The following MMP16 variants were observed in gnomAD, a reference collection of about 807,000 sequenced individuals.
MMP16 encodes the protein matrix metallopeptidase 16.
In MMP16, 12 loss-of-function variants were observed where a neutral mutation model predicts 67.8. The observed-to-expected ratio is 0.18, with a 90% CI of 0.11 to 0.29. The LOEUF (loss-of-function observed/expected upper bound fraction) is 0.29. MMP16 is among the 10% of genes least tolerant of loss of function. The probability of loss-of-function intolerance (pLI) is 1.00; values close to 1 mark genes in which losing one functional copy is unlikely to be tolerated. For missense variants in MMP16, 475 were observed against 765.7 expected (o/e 0.62, Z 4.48); for synonymous variants, 249 against 255.9 (o/e 0.97, Z 0.26).
intron 1 of MMP16, among the ~76,000 whole-genome samples, chr8:88,287,005 G>C (rs559547299): frequency 1.3e-5 from 2 of 152,142 alleles, no homozygotes; most frequent in East Asian, 1.9e-4. Context: ...ATCTACATCT[G>C]GTTTATCTAC....
At chr8:88,173,294 C>A (rs990815345) in intron 3 of MMP16, among the ~76,000 whole-genome samples, 1 of 152,140 alleles carries the variant, frequency 6.6e-6, no homozygotes, top group Non-Finnish European at 1.5e-5. Context: ...TCAAGCGATT[C>A]ACTCACCTTG....
chr8:88,232,342 G>T (rs1315445020), intron 1 of MMP16, among the ~76,000 whole-genome samples: 1 of 151,922 alleles, frequency 6.6e-6, no homozygotes, highest in Non-Finnish European at 1.5e-5. Flanking sequence ...ACGGGTCAGG[G>T]ACCTAGAAAA....
intron 6 of MMP16, among the ~76,000 whole-genome samples, chr8:88,106,130 A>G (rs1392282840): frequency 6.7e-6 from 1 of 149,964 alleles, no homozygotes; most frequent in Non-Finnish European, 1.5e-5. Context: ...TTTCTCTCCT[A>G]CCTCTGGCTA....
chr8:88,192,280 A>T (rs961094787), intron 2 of MMP16, among the ~76,000 whole-genome samples: 1 of 152,208 alleles, frequency 6.6e-6, no homozygotes, highest in African/African-American at 2.4e-5. Flanking sequence ...AGTTTCTTTT[A>T]TCTACAGACT....
chr8:88,214,090 G>A (rs539773064), intron 1 of MMP16, among the ~76,000 whole-genome samples: 2 of 152,144 alleles, frequency 1.3e-5, no homozygotes, highest in East Asian at 3.9e-4. Flanking sequence ...CAACAATAAT[G>A]TCTCCAATAC....
intron 3 of MMP16, among the ~76,000 whole-genome samples, chr8:88,177,955 A>T (rs532337378): frequency 6.6e-6 from 1 of 152,128 alleles, no homozygotes; most frequent in African/African-American, 2.4e-5. Flanking sequence ...GTTTAAAGAC[A>T]TGGTATGTAT....
intron 1 of MMP16, among the ~76,000 whole-genome samples, chr8:88,265,444 G>C (rs187305997): frequency 3.0e-3 from 452 of 152,072 alleles, no homozygotes; most frequent in South Asian, 0.016. Context: ...CTTAATCACA[G>C]GGAGTTCATA....
At chr8:88,128,976 C>A (rs891409408) in intron 4 of MMP16, among the ~76,000 whole-genome samples, 1 of 151,674 alleles carries the variant, frequency 6.6e-6, no homozygotes, top group African/African-American at 2.4e-5. Context: ...GAGACCCTCA[C>A]AGAAGGGATG....
chr8:88,151,500 T>G (rs1179758329), intron 4 of MMP16, among the ~76,000 whole-genome samples: 1 of 147,174 alleles, frequency 6.8e-6, no homozygotes, highest in South Asian at 2.3e-4. Flanking sequence ...GAACAGAAAT[T>G]ATAACAAACT....
intron 6 of MMP16, among the ~76,000 whole-genome samples, chr8:88,079,533 A>C (rs554682566): frequency 6.6e-6 from 1 of 152,258 alleles, no homozygotes; most frequent in East Asian, 1.9e-4. Context: ...TGTACTTTAA[A>C]TGTTCTTCCT....
At chr8:88,249,754 A>G (rs1284012055) in intron 1 of MMP16, among the ~76,000 whole-genome samples, 1 of 152,014 alleles carries the variant, frequency 6.6e-6, no homozygotes, top group Admixed American at 6.6e-5. Flanking sequence ...GCTCCACACC[A>G]CAAAATCAAG....
intron 4 of MMP16, among the ~76,000 whole-genome samples, chr8:88,148,058 C>G (rs1036911099): frequency 4.6e-5 from 7 of 152,132 alleles, no homozygotes; most frequent in Non-Finnish European, 5.9e-5. Context: ...GCAAATCTAT[C>G]CTTTTGTTCA....
intron 1 of MMP16, among the ~76,000 whole-genome samples, chr8:88,238,338 C>T (rs1445264705): frequency 1.3e-5 from 2 of 152,048 alleles, no homozygotes; most frequent in Non-Finnish European, 2.9e-5. Flanking sequence ...CATGGTGAAA[C>T]CCCATTTCTA....
rs1477220668 is a variant in MMP16, at chr8:88,034,612, A to G, written c.*6849T>C. 6.6e-6 allele frequency: 1 copy of G among 152,214 alleles called. No homozygotes were observed. The highest frequency in any genetic ancestry group is 1.5e-5 in the Non-Finnish European group (1 of 67,956). 9.4% of individuals were successfully genotyped at this position (152,214 alleles called of 1,614,324 possible). On this transcript the variant is annotated 3_prime_UTR_variant, in exon 10 of 10. Coordinates refer to ENST00000286614, the MANE Select transcript of MMP16 (RefSeq NM_005941.5). ...TCTGTGACGGTATTTCAGTAATAGC[A>G]AAAATTGTAACATTGATTTAAGGAT...
chr8:88,202,724 T>G (rs1398267763), intron 1 of MMP16, among the ~76,000 whole-genome samples: 1 of 152,100 alleles, frequency 6.6e-6, no homozygotes, highest in African/African-American at 2.4e-5. Flanking sequence ...AAAGCATGTA[T>G]ATGATACCAC....
intron 4 of MMP16, among the ~76,000 whole-genome samples, chr8:88,154,870 A>AAAAAAAAAAAG (rs1364001994): frequency 7.2e-6 from 1 of 139,450 alleles, no homozygotes; most frequent in Non-Finnish European, 1.5e-5. Flanking sequence ...AGTATAATAC[A>AAAAAAAAAAAG]AAAAAAAAAA....
intron 1 of MMP16, among the ~76,000 whole-genome samples, chr8:88,263,568 T>C (rs1257207396): frequency 1.3e-5 from 2 of 152,130 alleles, no homozygotes; most frequent in Non-Finnish European, 2.9e-5. Context: ...GTGTTTCCTT[T>C]TGACAGCCGC....
At chr8:88,215,640 C>G (rs935489182) in intron 1 of MMP16, among the ~76,000 whole-genome samples, 5 of 152,132 alleles carry the variant, frequency 3.3e-5, no homozygotes, top group Admixed American at 1.3e-4. Flanking sequence ...CCAGATCTCA[C>G]CAGGCTCTGA....
intron 1 of MMP16, among the ~76,000 whole-genome samples, chr8:88,262,367 T>C (rs1353607835): frequency 6.6e-6 from 1 of 152,248 alleles, no homozygotes; most frequent in Non-Finnish European, 1.5e-5. Flanking sequence ...GAGCTTGGCA[T>C]GTTGATGGAC....
Sources: allele counts gnomAD v4.1 joint callset (sites outside exome capture counted in the v4.1 genomes callset), GRCh38; gene constraint gnomAD v4.1.1; transcripts MANE v1.5; gene names NCBI Gene and HGNC (gene_info 2026-07-23, HGNC 2026-07-21).